HFM1: variants seen among roughly 807,000 people sequenced by gnomAD.
HFM1 encodes the protein probable ATP-dependent DNA helicase HFM1.
In HFM1, 169 loss-of-function variants were observed where a neutral mutation model predicts 192.1. The ratio of observed to expected loss-of-function variants is 0.88; its 90% CI spans 0.78 to 1.00. The LOEUF is 1.00. Among genes scored for constraint, HFM1 ranks in the 50% least tolerant of loss-of-function variants. The probability of loss-of-function intolerance (pLI) is 0.00; values close to 1 mark genes in which losing one functional copy is unlikely to be tolerated. For missense variants in HFM1, 1,661 were observed against 1,668.0 expected (o/e 1.00, Z 0.07); for synonymous variants, 525 against 537.8 (o/e 0.98, Z 0.33).
chr1:91,398,314 T>C (rs1029218651), intron 2 of HFM1, among the ~76,000 whole-genome samples: 6 of 152,208 alleles, frequency 3.9e-5, no homozygotes, highest in Non-Finnish European at 5.9e-5. Flanking sequence ...ATCCAAACCA[T>C]AGTATCTTTT....
chr1:91,263,078 C>G (rs1166185676), intron 36 of HFM1, among the ~76,000 whole-genome samples: 1 of 152,032 alleles, frequency 6.6e-6, no homozygotes, highest in Non-Finnish European at 1.5e-5. Flanking sequence ...AGATATTGTA[C>G]TAGAAGCTGT....
chr1:91,266,130 G>A (rs749067432), intron 35 of HFM1, 23 bp from the exon 36 acceptor site: 1 of 1,579,578 alleles, frequency 6.3e-7, no homozygotes, highest in South Asian at 1.2e-5. Flanking sequence ...ATAACATTTT[G>A]AAACAAAATG....
chr1:91,300,082 T>TA (rs1329998008), intron 30 of HFM1, among the ~76,000 whole-genome samples: 1 of 151,596 alleles, frequency 6.6e-6, no homozygotes, highest in African/African-American at 2.4e-5. Context: ...ATAGACACAA[T>TA]AAAAAATGAT....
At chr1:91,402,635 G>A (rs547729889) in intron 1 of HFM1, among the ~76,000 whole-genome samples, 9 of 151,990 alleles carry the variant, frequency 5.9e-5, no homozygotes, top group Non-Finnish European at 1.0e-4. Context: ...ACAATTATCT[G>A]AAAAAGTATA....
At chr1:91,286,812 G>A (rs888252688) in intron 30 of HFM1, among the ~76,000 whole-genome samples, 30 of 152,308 alleles carry the variant, frequency 2.0e-4, no homozygotes, top group Admixed American at 7.8e-4. Flanking sequence ...TGCACCGTGC[G>A]CCAGCCGAAG....
chr1:91,385,365 G>A (rs1662070914), intron 5 of HFM1, 131 bp from the exon 6 acceptor site: 1 of 758,356 alleles, frequency 1.3e-6, no homozygotes, highest in African/African-American at 1.8e-5. Context: ...ACTTTTTATT[G>A]AGAGCAAAGT....
rs766328593 is a variant in HFM1 at position 91,378,464 on chromosome 1, A to G, written c.1175T>C (p.Met392Thr). 3.7e-6 allele frequency: 6 copies of G among 1,600,460 alleles called. No individual in the cohort carries two copies. The highest frequency in any genetic ancestry group is 1.3e-5 in the African/African-American group (1 of 74,642). The part of the protein sequence containing the change: ...IMTTPEKWDS[M>T]TRKWRDNSLV... ...AGAGTTGTCTCTCCATTTCCTAGTC[A>G]TGCTATCCCATTTTTCCTAGAGAGA... Residue 392 changes from methionine (M) to threonine (T), a missense_variant, in exon 10 of 39, where the codon ATG becomes ACG. By Grantham distance (81) the Met-to-Thr change is moderately conservative (BLOSUM62 -1). Transcript: ENST00000370425.
At position 91,318,868 on chromosome 1, in the gene HFM1, T is replaced by A. The variant is rs529559421; in HGVS notation, c.2812+210A>T. 5.9e-5 allele frequency among the ~76,000 whole-genome samples: 9 copies of A among 152,336 alleles called. No homozygotes were observed. In the South Asian group the frequency reaches 1.9e-3, roughly 32 times the overall value. On this transcript the variant is annotated intron_variant, in intron 25 of 38. Transcript: ENST00000370425. The stretch of plus-strand genomic sequence containing the variant: ...GCATTAATTTTTATTAGGTTTCTCA[T>A]GTACTCATGTATCATTCAGTTGATT...
chr1:91,315,726 A>C, intron 28 of HFM1, 89 bp downstream of exon 28: 1 of 911,778 alleles, frequency 1.1e-6, no homozygotes, highest in Non-Finnish European at 1.6e-6. Context: ...TTGATCCCAC[A>C]ATGATCTTGT....
chr1:91,394,778 T>C (rs375272163), intron 3 of HFM1, among the ~76,000 whole-genome samples: 1 of 152,080 alleles, frequency 6.6e-6, no homozygotes, highest in African/African-American at 2.4e-5. Flanking sequence ...ACCAATTATA[T>C]AAAATGTTAC....
chr1:91,395,665 A>C (rs1663567968), intron 3 of HFM1, among the ~76,000 whole-genome samples: 1 of 152,042 alleles, frequency 6.6e-6, no homozygotes, highest in African/African-American at 2.4e-5. Context: ...ATTTTATTTC[A>C]TTAAAATAAA....
At chr1:91,306,662 T>A (rs1332763786) in intron 30 of HFM1, among the ~76,000 whole-genome samples, 1 of 152,176 alleles carries the variant, frequency 6.6e-6, no homozygotes, top group East Asian at 1.9e-4. Context: ...TTCTTTTTAA[T>A]GTCCTTGTCA....
intron 4 of HFM1, among the ~76,000 whole-genome samples, chr1:91,391,996 A>C (rs1397632607): frequency 1.3e-5 from 2 of 152,244 alleles, no homozygotes; most frequent in Non-Finnish European, 2.9e-5. Context: ...ACATGAAAAA[A>C]TGCTCATCAT....
intron 2 of HFM1, among the ~76,000 whole-genome samples, chr1:91,397,747 A>T (rs1002621740): frequency 4.6e-5 from 7 of 152,190 alleles, no homozygotes; most frequent in Non-Finnish European, 7.4e-5. Context: ...ATGTAGTCCT[A>T]CTCACGGCTA....
chr1:91,261,364 G>C lies in HFM1; in HGVS notation c.4239-5C>G, dbSNP rs553266287. On this transcript the variant is annotated splice_polypyrimidine_tract_variant and splice_region_variant and intron_variant, in intron 38 of 38. Coordinates refer to ENST00000370425, the MANE Select transcript of HFM1 (RefSeq NM_001017975.6). ...TCATCATCAGGATGATACATACTGG[G>C]AGAAAGAAGAAAAAGTAAAAATAAC... The C allele has an allele frequency of 3.0e-6, 4 of 1,335,336 alleles. No individual in the cohort carries two copies. The East Asian group carries it at 1.1e-4, about 38-fold the overall frequency. The allele number at this position is 1,335,336 out of a possible 1,614,324, so 82.7% of individuals were successfully genotyped here.
At chr1:91,312,808 G>T (rs1439595908) in intron 30 of HFM1, among the ~76,000 whole-genome samples, 1 of 152,146 alleles carries the variant, frequency 6.6e-6, no homozygotes. Flanking sequence ...ATCCCAACTT[G>T]AATTGTATCT....
chr1:91,285,873 C>A (rs1387475256), intron 30 of HFM1, among the ~76,000 whole-genome samples: 2 of 152,160 alleles, frequency 1.3e-5, no homozygotes, highest in Non-Finnish European at 2.9e-5. Context: ...CATTCCTTTG[C>A]CCAGCATATC....
intron 13 of HFM1, among the ~76,000 whole-genome samples, chr1:91,354,639 C>G (rs1447180483): frequency 6.6e-6 from 1 of 152,044 alleles, no homozygotes; most frequent in Admixed American, 6.6e-5. Context: ...ATTAGACTAT[C>G]AGTGTTTCTC....
chr1:91,363,114 C>T (rs905589785), intron 13 of HFM1, among the ~76,000 whole-genome samples: 16 of 151,954 alleles, frequency 1.1e-4, no homozygotes, highest in African/African-American at 2.4e-4. Context: ...GTCATAGGCA[C>T]GGGCAAAGAT....
Sources: gnomAD v4.1 joint callset for allele counts (sites outside exome capture counted in the v4.1 genomes callset) on GRCh38, gnomAD v4.1.1 for gene constraint, MANE v1.5 for transcripts, NCBI Gene and HGNC (gene_info 2026-07-23, HGNC 2026-07-21) for gene names.